CMTR1: variants seen among roughly 807,000 people sequenced by gnomAD.
CMTR1 encodes cap methyltransferase 1, also known as cap-specific mRNA (nucleoside-2'-O-)-methyltransferase 1.
Under a neutral mutation model 107.0 loss-of-function variants are expected in CMTR1, and 39 were observed. The ratio of observed to expected loss-of-function variants is 0.36; its 90% CI spans 0.28 to 0.48. The LOEUF is 0.48. Ranked by LOEUF, CMTR1 falls within the 20% of genes least tolerant of loss-of-function variation. The pLI, the probability that CMTR1 is intolerant of heterozygous loss-of-function variation, is 0.99. For missense variants in CMTR1, 672 were observed against 1,064.9 expected, an observed-to-expected ratio of 0.63 and a Z score of 5.14; for synonymous variants, 366 against 379.5, an observed-to-expected ratio of 0.96 and a Z score of 0.41.
chr6:37,447,795 G>C (rs1771829612), intron 4 of CMTR1, among the ~76,000 whole-genome samples: 1 of 152,062 alleles, frequency 6.6e-6, no homozygotes, highest in Admixed American at 6.6e-5. Flanking sequence ...GGGAAGCAGA[G>C]GTTGCAGTGA....
chr6:37,451,522 C>G (rs1429324899), intron 5 of CMTR1, among the ~76,000 whole-genome samples: 2 of 152,170 alleles, frequency 1.3e-5, no homozygotes, highest in Non-Finnish European at 2.9e-5. Flanking sequence ...ATGTCTCCTT[C>G]CTGTTTGGTG....
At chr6:37,466,544 G>A (rs1581747054) in intron 13 of CMTR1, among the ~76,000 whole-genome samples, 2 of 152,204 alleles carry the variant, frequency 1.3e-5, no homozygotes, top group Admixed American at 1.3e-4. Context: ...AGTTTTCCCA[G>A]CACCATTAGT....
intron 4 of CMTR1, among the ~76,000 whole-genome samples, chr6:37,447,706 C>T (rs7743928): frequency 0.031 from 4,698 of 150,910 alleles, 106 homozygotes; most frequent in South Asian, 0.067. Flanking sequence ...GCTAAAAATA[C>T]AAAAACTAGC....
At chr6:37,424,439 G>A in the CMTR1 span, among the ~76,000 whole-genome samples, 3 of 147,940 alleles carry the variant, frequency 2.0e-5, no homozygotes, top group Non-Finnish European at 4.4e-5. Context: ...TAGTAGAGAC[G>A]GGTTTCGCCG....
intron 8 of CMTR1, among the ~76,000 whole-genome samples, chr6:37,455,835 T>A (rs576214639): frequency 1.3e-4 from 20 of 152,368 alleles, no homozygotes; most frequent in African/African-American, 4.3e-4. Context: ...AGCTCTTCAA[T>A]ATAGGATACT....
In CMTR1 at chr6:37,438,524, T is replaced by G. The variant is rs530384162; in HGVS notation, c.133+2762T>G. ...ATTTCTAGATTTCCCTAGGTTAATT[T>G]ATTTTAGGAAGGGGCAGCTCTGCAT... On this transcript the variant is annotated intron_variant, in intron 2 of 23. Transcript: ENST00000373451. 1.7e-3 allele frequency among the ~76,000 whole-genome samples: 260 copies of G among 152,278 alleles called. 1 individual carries two copies. Among genetic ancestry groups the G allele is most frequent in the African/African-American group, 5.7e-3 (236 of 41,550 alleles).
Position 37,446,821 on chromosome 6 carries a change from T to C in CMTR1, c.444+372T>C, listed in dbSNP as rs189662909. ...TCAGGCAGGCCAAGGGAGCACCCAC[T>C]CTCTCACTGTGTGAGTAACTGGAGT... is the stretch of plus-strand genomic sequence containing the variant. On this transcript the variant is annotated intron_variant, in intron 4 of 23. Coordinates refer to ENST00000373451, the MANE Select transcript of CMTR1 (RefSeq NM_015050.3). Among the ~76,000 whole-genome samples the C allele has an allele frequency of 4.2e-3, 639 of 152,326 alleles. 5 individuals are homozygous for C. The highest frequency in any genetic ancestry group is 0.014 in the African/African-American group (563 of 41,582).
chr6:37,467,052 AG>A (rs1211484041), intron 13 of CMTR1, among the ~76,000 whole-genome samples: 1 of 152,076 alleles, frequency 6.6e-6, no homozygotes, highest in Non-Finnish European at 1.5e-5. Context: ...CACCTGTGGT[AG>A]CTACTCAGGA....
At chr6:37,424,230 TA>T in the CMTR1 span, among the ~76,000 whole-genome samples, 1 of 140,086 alleles carries the variant, frequency 7.1e-6, no homozygotes, top group African/African-American at 2.8e-5. Context: ...ACTATCTGCC[TA>T]AGTACCTTTT....
At chr6:37,459,737 G>T in intron 10 of CMTR1, 53 bp downstream of exon 10, 4 of 1,308,816 alleles carry the variant, frequency 3.1e-6, no homozygotes, top group Non-Finnish European at 4.4e-6. Context: ...TTATTTTAGA[G>T]GTTTGAGAAT....
intron 13 of CMTR1, among the ~76,000 whole-genome samples, chr6:37,465,360 G>A (rs368170850): frequency 2.0e-5 from 3 of 151,712 alleles, no homozygotes; most frequent in East Asian, 1.9e-4. Context: ...TTCTGATTAC[G>A]TCTTTGTCAG....
intron 23 of CMTR1, 32 bp from the exon 24 acceptor site, chr6:37,479,981 C>A (rs779949203): frequency 6.5e-7 from 1 of 1,545,108 alleles, no homozygotes; most frequent in South Asian, 1.3e-5. Context: ...TGGGTGCAGT[C>A]CTGACCTCTT....
chr6:37,481,373 G>C lies in CMTR1; in HGVS notation c.*1228G>C. The C allele has an allele frequency of 1.7e-6, 2 of 1,188,592 alleles. No individual in the cohort carries two copies. Among genetic ancestry groups the C allele is most frequent in the Non-Finnish European group, 2.1e-6 (2 of 942,864 alleles). 73.6% of individuals were successfully genotyped at this position (1,188,592 alleles called of 1,614,324 possible). A position where few individuals can be genotyped will look rare whatever the true frequency, so the allele number is the denominator to read the frequency against. ...AGGTTGGAATCGACTTCACCATGGG[G>C]GTCCTTCAGCCAGCATCCAGCTCCC... On this transcript the variant is annotated 3_prime_UTR_variant, in exon 24 of 24. Coordinates refer to ENST00000373451, the MANE Select transcript of CMTR1 (RefSeq NM_015050.3).
At position 37,450,343 on chromosome 6, in the gene CMTR1, G is replaced by C; in HGVS notation, c.537G>C (p.Lys179Asn). The C allele has an allele frequency of 6.2e-7, 1 of 1,613,334 alleles. No individual in the cohort carries two copies. The highest frequency in any genetic ancestry group is 8.5e-7 in the Non-Finnish European group (1 of 1,179,292). Reference sequence around the variant, plus strand: ...TGAGCGATTGGATGGTGGTGGGAAAGGTAGGCTTTCAGGAAAACGTACCCT... The same window carrying C: ...TGAGCGATTGGATGGTGGTGGGAAACGTAGGCTTTCAGGAAAACGTACCCT... ...QEMSDWMVVG[K>N]RKMIIEDETE... Residue 179 changes from lysine (K) to asparagine (N), a missense_variant and splice_region_variant, in exon 5 of 24, where the codon AAG (lysine) becomes AAC (asparagine). By Grantham distance (94) the Lys-to-Asn change is moderately conservative (BLOSUM62 0). This residue lies in a region of CMTR1 where 583 missense variants were observed against 968.4 expected (regional missense o/e 0.60). Transcript: ENST00000373451.
intron 3 of CMTR1, among the ~76,000 whole-genome samples, chr6:37,444,496 C>T (rs767398315): frequency 2.0e-5 from 3 of 152,114 alleles, no homozygotes; most frequent in Non-Finnish European, 4.4e-5. Flanking sequence ...AATTTTTGCT[C>T]TAGTGAGTGG....
chr6:37,472,358 C>A lies in CMTR1; in HGVS notation c.1621-61C>A. The stretch of plus-strand genomic sequence containing the variant: ...CCTATCTCCTCCACCTGCATATACT[C>A]ATACACGGTCTTGGTCAAAAGGGCA... On this transcript the variant is annotated intron_variant, in intron 15 of 23. Coordinates refer to ENST00000373451, the MANE Select transcript of CMTR1 (RefSeq NM_015050.3). The surrounding 1 kb of genome is among the most constrained non-coding windows in gnomAD (Gnocchi z 4.1). 1 of 1,478,630 alleles carries A rather than the reference C, an allele frequency of 6.8e-7. No individual in the cohort carries two copies. Among genetic ancestry groups the A allele is most frequent in the South Asian group, 1.1e-5 (1 of 88,126 alleles). 91.6% of individuals were successfully genotyped at this position (1,478,630 alleles called of 1,614,324 possible).
At chr6:37,446,564 A>G (rs978754203) in intron 4 of CMTR1, 115 bp downstream of exon 4, 2 of 1,274,648 alleles carry the variant, frequency 1.6e-6, no homozygotes, top group Non-Finnish European at 2.2e-6. Flanking sequence ...GCAAAGTGGA[A>G]TTAGTTTTTT....
chr6:37,455,266 G>A (rs1312046556), intron 8 of CMTR1, among the ~76,000 whole-genome samples: 4 of 152,076 alleles, frequency 2.6e-5, no homozygotes, highest in African/African-American at 9.7e-5. Flanking sequence ...TATTTTTAGT[G>A]GAGACGGGGT....
At chr6:37,436,700 C>T (rs1771537436) in intron 2 of CMTR1, among the ~76,000 whole-genome samples, 1 of 152,056 alleles carries the variant, frequency 6.6e-6, no homozygotes, top group South Asian at 2.1e-4. Context: ...CTTATAAGGA[C>T]ATCGGTCATT....
Sources: gnomAD v4.1 joint callset for allele counts (sites outside exome capture counted in the v4.1 genomes callset) on GRCh38, gnomAD v4.1.1 for gene constraint, gnomAD v4.1.1 regional missense constraint, Gnocchi (gnomAD v3.1) non-coding constraint, MANE v1.5 for transcripts, NCBI Gene and HGNC (gene_info 2026-07-23, HGNC 2026-07-21) for gene names.